The following NRG1 variants were observed in gnomAD, a reference collection of about 807,000 sequenced individuals.
The protein encoded by NRG1 is neuregulin 1.
A neutral mutation model predicts 63.8 loss-of-function variants in NRG1; 18 were observed. The ratio of observed to expected loss-of-function variants is 0.28; its 90% CI spans 0.19 to 0.42. The LOEUF is 0.42. Among genes scored for constraint, NRG1 ranks in the 10% least tolerant of loss-of-function variants. NRG1 has a pLI of 1.00. For missense variants in NRG1, 762 were observed against 814.7 expected, an observed-to-expected ratio of 0.94 and a Z score of 0.79; for synonymous variants, 302 against 301.3, an observed-to-expected ratio of 1.00 and a Z score of -0.02.
At chr8:32,706,005 G>A (rs1490076445) in intron 5 of NRG1, among the ~76,000 whole-genome samples, 1 of 152,106 alleles carries the variant, frequency 6.6e-6, no homozygotes, top group East Asian at 1.9e-4. Flanking sequence ...CAGAGGGAGG[G>A]TAGACACCTA....
intron 1 of NRG1, among the ~76,000 whole-genome samples, chr8:31,882,311 G>A (rs1166107068): frequency 3.5e-5 from 4 of 115,144 alleles, no homozygotes; most frequent in African/African-American, 1.4e-4. Flanking sequence ...CCACTGTTGA[G>A]ACTTACTGCT....
At chr8:32,407,844 AAAG>A (rs1353796770) in intron 1 of NRG1, among the ~76,000 whole-genome samples, 3 of 152,188 alleles carry the variant, frequency 2.0e-5, no homozygotes, top group Admixed American at 6.5e-5. Context: ...TAGCTCCAAA[AAAG>A]AAGAATTTGA....
At chr8:32,473,602 T>C (rs1325012533) in intron 1 of NRG1, among the ~76,000 whole-genome samples, 1 of 152,222 alleles carries the variant, frequency 6.6e-6, no homozygotes, top group Non-Finnish European at 1.5e-5. Context: ...ACCTCATCAA[T>C]GAGAAGTCTG....
chr8:31,958,334 G>C (rs1016660034), intron 1 of NRG1, among the ~76,000 whole-genome samples: 38 of 152,066 alleles, frequency 2.5e-4, no homozygotes, highest in Non-Finnish European at 8.8e-5. Context: ...TAATCAATTT[G>C]GGTACCATTT....
intron 1 of NRG1, among the ~76,000 whole-genome samples, chr8:31,886,173 A>G (rs1585506450): frequency 6.6e-6 from 1 of 152,094 alleles, no homozygotes; most frequent in African/African-American, 2.4e-5. Flanking sequence ...GTTAACATTA[A>G]TATAACATTG....
chr8:31,777,998 C>A (rs1819314830), intron 1 of NRG1, among the ~76,000 whole-genome samples: 1 of 152,160 alleles, frequency 6.6e-6, no homozygotes, highest in Non-Finnish European at 1.5e-5. Context: ...ACTCTATTAT[C>A]CCCATAAATG....
intron 1 of NRG1, among the ~76,000 whole-genome samples, chr8:31,647,524 G>T (rs1277921180): frequency 6.6e-6 from 1 of 152,222 alleles, no homozygotes; most frequent in Non-Finnish European, 1.5e-5. Flanking sequence ...CAGAGCAGGG[G>T]AGCTGTCTAC....
At chr8:31,895,666 T>A (rs1457620912) in intron 1 of NRG1, among the ~76,000 whole-genome samples, 1 of 152,066 alleles carries the variant, frequency 6.6e-6, no homozygotes, top group African/African-American at 2.4e-5. Flanking sequence ...TGTCATTTTT[T>A]AATTATATCT....
At chr8:32,135,338 T>C (rs2131668295) in intron 1 of NRG1, among the ~76,000 whole-genome samples, 1 of 152,292 alleles carries the variant, frequency 6.6e-6, no homozygotes, top group Non-Finnish European at 1.5e-5. Context: ...GGGACAAGGA[T>C]GGAAACTAGT....
intron 1 of NRG1, among the ~76,000 whole-genome samples, chr8:32,270,586 T>A (rs1354597098): frequency 6.6e-6 from 1 of 152,242 alleles, no homozygotes; most frequent in Admixed American, 6.5e-5. Flanking sequence ...AAAGCACATT[T>A]AATAAGTGTT....
intron 1 of NRG1, among the ~76,000 whole-genome samples, chr8:31,812,335 T>C (rs754878173): frequency 1.3e-5 from 2 of 152,136 alleles, no homozygotes; most frequent in African/African-American, 2.4e-5. Flanking sequence ...ATTTACGAAG[T>C]ATAGGATGGG....
chr8:31,788,020 C>T (rs1820343717), intron 1 of NRG1, among the ~76,000 whole-genome samples: 2 of 152,072 alleles, frequency 1.3e-5, no homozygotes, highest in South Asian at 4.1e-4. Context: ...AGGGTTGAGA[C>T]ACAGAGATTT....
chr8:32,608,995 A>G (rs1453070124), intron 3 of NRG1, among the ~76,000 whole-genome samples: 3 of 152,112 alleles, frequency 2.0e-5, no homozygotes, highest in Non-Finnish European at 2.9e-5. Flanking sequence ...AGAACTTACA[A>G]ATTATCTGCT....
intron 1 of NRG1, among the ~76,000 whole-genome samples, chr8:31,780,318 G>A (rs1040586918): frequency 6.6e-6 from 1 of 152,074 alleles, no homozygotes; most frequent in African/African-American, 2.4e-5. Flanking sequence ...TTCAGTTGTA[G>A]GCATGAAGCC....
At chr8:32,611,950 T>G (rs939961546) in intron 3 of NRG1, among the ~76,000 whole-genome samples, 1 of 152,084 alleles carries the variant, frequency 6.6e-6, no homozygotes, top group Admixed American at 6.6e-5. Flanking sequence ...AGAAGATATC[T>G]TTGAGACCAT....
chr8:32,476,097 CAG>C (rs1824485028), intron 1 of NRG1, among the ~76,000 whole-genome samples: 1 of 151,624 alleles, frequency 6.6e-6, no homozygotes, highest in South Asian at 2.1e-4. Context: ...GAAGGACACA[CAG>C]ATACATAAGG....
At position 32,412,433 on chromosome 8, in the gene NRG1, T is replaced by C. The variant is rs1481106662; in HGVS notation, c.38-183395T>C. On this transcript the variant is annotated intron_variant, in intron 1 of 10. Coordinates refer to the NRG1 transcript ENST00000519301. ...CTCTCTCTCTCTCTACATATATATA[T>C]ATATATATATATATATATACATATA... is the stretch of plus-strand genomic sequence containing the variant. Among the ~76,000 whole-genome samples, 158 of 40,150 alleles carry C rather than the reference T, an allele frequency of 3.9e-3. 3 individuals carry two copies. The highest frequency in any genetic ancestry group is 9.9e-3 in the African/African-American group (153 of 15,512). 26.3% of individuals were successfully genotyped at this position (40,150 alleles called of 152,430 possible).
chr8:32,578,798 C>A (rs1349780979), intron 1 of NRG1, among the ~76,000 whole-genome samples: 5 of 152,088 alleles, frequency 3.3e-5, no homozygotes, highest in African/African-American at 1.2e-4. Context: ...TTGAGGTACA[C>A]CAAAGTAATG....
chr8:32,385,051 G>A (rs571197403), intron 1 of NRG1, among the ~76,000 whole-genome samples: 3 of 152,064 alleles, frequency 2.0e-5, no homozygotes, highest in African/African-American at 4.8e-5. Context: ...ACGGAGTCTC[G>A]CTCTGTCACC....
Sources: gnomAD v4.1 joint callset for allele counts (sites outside exome capture counted in the v4.1 genomes callset) on GRCh38, gnomAD v4.1.1 for gene constraint, MANE v1.5 for transcripts, NCBI Gene and HGNC (gene_info 2026-07-23, HGNC 2026-07-21) for gene names.